ACOX3: variants seen among roughly 807,000 people sequenced by gnomAD.
ACOX3 encodes acyl-CoA oxidase 3, pristanoyl.
Under a neutral mutation model 81.5 loss-of-function variants are expected in ACOX3, and 73 were observed. The ratio of observed to expected loss-of-function variants is 0.90; its 90% CI spans 0.74 to 1.09. ACOX3 has a LOEUF of 1.09. ACOX3 is among the 50% of genes least tolerant of loss of function. The pLI is 0.00. For missense variants in ACOX3, 947 were observed against 928.0 expected (o/e 1.02, Z -0.27); for synonymous variants, 387 against 375.1 (o/e 1.03, Z -0.37).
At chr4:8,373,240 G>A (rs1169895355) in intron 16 of ACOX3, among the ~76,000 whole-genome samples, 17 of 151,962 alleles carry the variant, frequency 1.1e-4, no homozygotes, top group Admixed American at 1.1e-3. Context: ...AAAAATTTCT[G>A]ATGTAGCCAT....
chr4:8,399,450 A>T lies in ACOX3; in HGVS notation c.873+106T>A. 1.0e-6 allele frequency: 1 copy of T among 975,782 alleles called. No homozygotes were observed. The highest frequency in any genetic ancestry group is 1.6e-6 in the Non-Finnish European group (1 of 636,412). 60.4% of individuals were successfully genotyped at this position (975,782 alleles called of 1,614,324 possible). A position where few individuals can be genotyped will look rare whatever the true frequency, so the allele number is the denominator to read the frequency against. On this transcript the variant is annotated intron_variant, in intron 8 of 17. Coordinates refer to ENST00000356406, the MANE Select transcript of ACOX3 (RefSeq NM_003501.3). The surrounding 1 kb of genome is among the most constrained non-coding windows in gnomAD (Gnocchi z 4.9). Reference sequence around the variant, plus strand: ...AGTATGCCCCAGCGACACCTGGCCTACGTGGAGGGGTCTCCTTTCCAGGTG... The same window carrying T: ...AGTATGCCCCAGCGACACCTGGCCTTCGTGGAGGGGTCTCCTTTCCAGGTG...
intron 3 of ACOX3, among the ~76,000 whole-genome samples, 190 bp from the exon 4 acceptor site, chr4:8,415,118 C>G (rs1410303063): frequency 1.3e-5 from 2 of 152,266 alleles, no homozygotes; most frequent in Non-Finnish European, 2.9e-5. Flanking sequence ...GCCAGGGTCT[C>G]CTGACACACA....
chr4:8,384,917 C>A lies in ACOX3; in HGVS notation c.1538-3310G>T, dbSNP rs532708721. Among the ~76,000 whole-genome samples the A allele has an allele frequency of 6.6e-6, 1 of 152,182 alleles. No individual in the cohort carries two copies. Among genetic ancestry groups the A allele is most frequent in the Admixed American group, 6.5e-5 (1 of 15,278 alleles). On this transcript the variant is annotated intron_variant, in intron 13 of 17. Coordinates refer to ENST00000356406, the MANE Select transcript of ACOX3 (RefSeq NM_003501.3). The surrounding 1 kb of genome is among the most constrained non-coding windows in gnomAD (Gnocchi z 5.3). Reference sequence around the variant, plus strand: ...CACAACGCACGGACCCTCTGAGACACCCTCAGGTGCCAGTTTTGTGGGAGA... The same window carrying A: ...CACAACGCACGGACCCTCTGAGACAACCTCAGGTGCCAGTTTTGTGGGAGA...
Position 8,394,176 on chromosome 4 carries a change from T to G in ACOX3, c.1179+444A>C, listed in dbSNP as rs569852756. Among the ~76,000 whole-genome samples, 6 of 152,270 alleles carry G rather than the reference T, an allele frequency of 3.9e-5. No homozygotes were observed. In the South Asian group the frequency reaches 1.2e-3, roughly 32 times the overall value. ...TCTACAAAGAAATCCGTTCCCGATG[T>G]CTCTTTATGCCGAGGCTGATCTCGG... On this transcript the variant is annotated intron_variant, in intron 10 of 17. Transcript: ENST00000356406. The surrounding 1 kb of genome is among the most constrained non-coding windows in gnomAD (Gnocchi z 5.9).
chr4:8,386,663 T>C lies in ACOX3; in HGVS notation c.1537+2510A>G, dbSNP rs2108844003. On this transcript the variant is annotated intron_variant, in intron 13 of 17. Transcript: ENST00000356406. The surrounding 1 kb of genome is among the most constrained non-coding windows in gnomAD (Gnocchi z 5.2). The stretch of plus-strand genomic sequence containing the variant: ...TGGCACCCAAAAAGGCAGGCTAAGA[T>C]CTGCACGGTTAGTTACCGTCAGAAG... 6.6e-6 allele frequency among the ~76,000 whole-genome samples: 1 copy of C among 151,628 alleles called. No individual in the cohort carries two copies. The highest frequency in any genetic ancestry group is 6.6e-5 in the Admixed American group (1 of 15,264).
chr4:8,405,815 C>A lies in ACOX3; in HGVS notation c.776+140G>T. On this transcript the variant is annotated intron_variant, in intron 7 of 17. Coordinates refer to ENST00000356406, the MANE Select transcript of ACOX3 (RefSeq NM_003501.3). The surrounding 1 kb of genome is among the most constrained non-coding windows in gnomAD (Gnocchi z 7.1). ...GACGTGGCCAGTGCATGCACGGGGG[C>A]TAGGCGTAGGTCCCCACCGCATTTG... 4 of 852,162 alleles carry A rather than the reference C, an allele frequency of 4.7e-6. No individual in the cohort carries two copies. Among genetic ancestry groups the A allele is most frequent in the Non-Finnish European group, 7.7e-6 (4 of 517,446 alleles). 52.8% of individuals were successfully genotyped at this position (852,162 alleles called of 1,614,324 possible).
the ACOX3 span, among the ~76,000 whole-genome samples, chr4:8,358,755 G>A: frequency 6.6e-6 from 1 of 152,188 alleles, no homozygotes; most frequent in Non-Finnish European, 1.5e-5. Context: ...ACGTCAGGAT[G>A]CTACCCTATA....
rs1720304921 is a variant in ACOX3, at chr4:8,400,971, T to G, written c.777-1319A>C. 6.6e-6 allele frequency among the ~76,000 whole-genome samples: 1 copy of G among 151,984 alleles called. No individual in the cohort carries two copies. The highest frequency in any genetic ancestry group is 6.6e-5 in the Admixed American group (1 of 15,242). On this transcript the variant is annotated intron_variant, in intron 7 of 17. Transcript: ENST00000356406. This position sits in a 1 kb window ranked among gnomAD's most constrained non-coding sequence, Gnocchi z 4.4. ...TTGCAAAATCAGTGGGAGCCTGAGCTTGTTTTCCTGCAACTAGATGGTCCC... is the reference window on the plus strand; with the variant it reads ...TTGCAAAATCAGTGGGAGCCTGAGCGTGTTTTCCTGCAACTAGATGGTCCC...
downstream of ACOX3, among the ~76,000 whole-genome samples, chr4:8,365,039 A>G (rs114241422): frequency 4.3e-4 from 65 of 152,258 alleles, no homozygotes; most frequent in African/African-American, 1.6e-3. Context: ...AGCCGTCCAC[A>G]CACACACGGC....
chr4:8,406,629 T>C lies in ACOX3; in HGVS notation c.688-586A>G, dbSNP rs1204043752. ...AAGGAGAGTGAGCCATCTCCAATGA[T>C]AGGTAAGACCACATGGGTCACATGT... On this transcript the variant is annotated intron_variant, in intron 6 of 17. Transcript: ENST00000356406. The surrounding 1 kb of genome is among the most constrained non-coding windows in gnomAD (Gnocchi z 5.6). Among the ~76,000 whole-genome samples the C allele has an allele frequency of 6.6e-6, 1 of 152,094 alleles. No individual in the cohort carries two copies. Among genetic ancestry groups the C allele is most frequent in the Non-Finnish European group, 1.5e-5 (1 of 67,996 alleles).
At chr4:8,388,128 C>T (rs1357460553) in intron 13 of ACOX3, among the ~76,000 whole-genome samples, 4 of 152,230 alleles carry the variant, frequency 2.6e-5, no homozygotes, top group African/African-American at 7.2e-5. Context: ...CGCCTCCTGA[C>T]ACACCCGTCC....
intron 16 of ACOX3, 37 bp from the exon 17 acceptor site, chr4:8,371,031 C>T (rs555611596): frequency 2.1e-5 from 34 of 1,598,474 alleles, no homozygotes; most frequent in East Asian, 6.7e-5. Flanking sequence ...TGGCACCTCC[C>T]GGGAATTTCC....
At chr4:8,401,517 C>T (rs1268113338) in intron 7 of ACOX3, among the ~76,000 whole-genome samples, 1 of 152,174 alleles carries the variant, frequency 6.6e-6, no homozygotes, top group Non-Finnish European at 1.5e-5. Context: ...TCCATCCCTA[C>T]TCAGCTCTCC....
chr4:8,380,293 G>A (rs1467806629), intron 14 of ACOX3, among the ~76,000 whole-genome samples: 1 of 150,600 alleles, frequency 6.6e-6, no homozygotes, highest in African/African-American at 2.5e-5. Flanking sequence ...AGGTTCAAGC[G>A]ACTCTCCTGC....
intron 7 of ACOX3, among the ~76,000 whole-genome samples, chr4:8,404,792 C>T (rs991517911): frequency 8.5e-5 from 13 of 152,218 alleles, no homozygotes; most frequent in Non-Finnish European, 1.2e-4. Flanking sequence ...CTATATGAAA[C>T]ACGCATATCT....
chr4:8,394,669 A>T lies in ACOX3; in HGVS notation c.1130T>A (p.Leu377Gln), dbSNP rs1174519875. The T allele has an allele frequency of 2.5e-6, 4 of 1,613,882 alleles. No homozygotes were observed. The highest frequency in any genetic ancestry group is 3.4e-6 in the Non-Finnish European group (4 of 1,179,990). ...TGCAAGTCCTCGCTGGAGCTCCACC[A>T]GGTCCAGGAAGAGCGACTTGGAGAA... The part of the protein sequence containing the change: ...DHFSKSLFLD[L>Q]VELQRGLASG... Residue 377 changes from leucine (L) to glutamine (Q), a missense_variant, in exon 10 of 18, where the codon CTG becomes CAG. Leu to Gln is a moderately radical substitution (Grantham distance 113). Coordinates refer to ENST00000356406, the MANE Select transcript of ACOX3 (RefSeq NM_003501.3). This position sits in a 1 kb window ranked among gnomAD's most constrained non-coding sequence, Gnocchi z 5.9.
Position 8,394,818 on chromosome 4 carries a change from C to G in ACOX3, c.1057-76G>C, listed in dbSNP as rs994074751. ...CAGCCCATCCCAGGGACCATGAAAGCCAGTGCAGGGAGAGGCCGTCAGGGC... is the reference window on the plus strand; with the variant it reads ...CAGCCCATCCCAGGGACCATGAAAGGCAGTGCAGGGAGAGGCCGTCAGGGC... On this transcript the variant is annotated intron_variant, in intron 9 of 17. Coordinates refer to ENST00000356406, the MANE Select transcript of ACOX3 (RefSeq NM_003501.3). The surrounding 1 kb of genome is among the most constrained non-coding windows in gnomAD (Gnocchi z 5.9). 8.4e-6 allele frequency: 13 copies of G among 1,548,010 alleles called. No homozygotes were observed. In the African/African-American group the frequency reaches 1.6e-4, roughly 20 times the overall value.
In ACOX3 at chr4:8,419,019, C is replaced by T. The variant is rs1265653259; in HGVS notation, c.-14-2484G>A. Among the ~76,000 whole-genome samples the T allele has an allele frequency of 6.6e-6, 1 of 151,400 alleles. No individual in the cohort carries two copies. The highest frequency in any genetic ancestry group is 2.4e-5 in the African/African-American group (1 of 41,056). Reference sequence around the variant, plus strand: ...CAAAAAGATACTAAAATACTAAATGCCGGCTATAGTGGCACGTGCCTGTGG... The same window carrying T: ...CAAAAAGATACTAAAATACTAAATGTCGGCTATAGTGGCACGTGCCTGTGG... On this transcript the variant is annotated intron_variant, in intron 1 of 17. Coordinates refer to ENST00000356406, the MANE Select transcript of ACOX3 (RefSeq NM_003501.3). This position sits in a 1 kb window ranked among gnomAD's most constrained non-coding sequence, Gnocchi z 4.2.
chr4:8,367,205 C>G, intron 17 of ACOX3, 125 bp from the exon 18 acceptor site: 1 of 1,289,014 alleles, frequency 7.8e-7, no homozygotes, highest in South Asian at 1.4e-5. Flanking sequence ...TTCGGCTGGG[C>G]ACAGTGGCTC....
Sources: gnomAD v4.1 joint callset for allele counts (sites outside exome capture counted in the v4.1 genomes callset) on GRCh38, gnomAD v4.1.1 for gene constraint, Gnocchi (gnomAD v3.1) non-coding constraint, MANE v1.5 for transcripts, NCBI Gene and HGNC (gene_info 2026-07-23, HGNC 2026-07-21) for gene names.